YTHDC2: variants seen among roughly 807,000 people sequenced by gnomAD.
YTHDC2 encodes 3'-5' RNA helicase YTHDC2.
YTHDC2 carries 45 observed loss-of-function variants against 174.9 expected under a neutral mutation model. That is an observed-to-expected ratio of 0.26 (90% CI 0.20 to 0.33). The LOEUF (loss-of-function observed/expected upper bound fraction) is 0.33. YTHDC2 is among the 10% of genes least tolerant of loss of function. The pLI is 1.00. For missense variants in YTHDC2, 1,650 were observed against 1,723.7 expected (o/e 0.96, Z 0.76); for synonymous variants, 657 against 574.5 (o/e 1.14, Z -2.05).
intron 10 of YTHDC2, among the ~76,000 whole-genome samples, chr5:113,548,164 A>G (rs573959152): frequency 3.3e-5 from 5 of 152,334 alleles, no homozygotes; most frequent in African/African-American, 1.2e-4. Flanking sequence ...TAACTTTTAA[A>G]TTATTTAATT....
intron 12 of YTHDC2, among the ~76,000 whole-genome samples, chr5:113,552,075 A>G (rs1041968224): frequency 6.6e-5 from 10 of 152,154 alleles, no homozygotes; most frequent in Admixed American, 6.6e-4. Flanking sequence ...AAAAATGTGA[A>G]CTATACATCA....
intron 27 of YTHDC2, 144 bp downstream of exon 27, chr5:113,591,388 T>C (rs569383459): frequency 1.9e-5 from 15 of 789,500 alleles, no homozygotes; most frequent in Non-Finnish European, 3.0e-5. Flanking sequence ...ATATTGCATC[T>C]CTTTAGAGGA....
At chr5:113,574,906 A>G (rs1312013364) in intron 23 of YTHDC2, among the ~76,000 whole-genome samples, 1 of 152,204 alleles carries the variant, frequency 6.6e-6, no homozygotes, top group Non-Finnish European at 1.5e-5. Flanking sequence ...ACAGGTTGCA[A>G]AGATCCATGG....
intron 9 of YTHDC2, among the ~76,000 whole-genome samples, chr5:113,541,461 G>A (rs1013969026): frequency 1.3e-5 from 2 of 152,042 alleles, no homozygotes; most frequent in African/African-American, 4.8e-5. Flanking sequence ...AAAGTGCTGG[G>A]ATTACAGGAG....
intron 6 of YTHDC2, 63 bp downstream of exon 6, chr5:113,534,470 C>G (rs140168388): frequency 7.0e-7 from 1 of 1,429,216 alleles, no homozygotes. Context: ...ATACATATGC[C>G]GTTTCAGGAT....
intron 23 of YTHDC2, among the ~76,000 whole-genome samples, chr5:113,575,431 G>A (rs915032396): frequency 2.0e-5 from 3 of 152,152 alleles, no homozygotes; most frequent in Admixed American, 2.0e-4. Context: ...AAAGAGGATC[G>A]CCTTAGGGGT....
intron 18 of YTHDC2, among the ~76,000 whole-genome samples, chr5:113,562,936 A>G (rs1378444232): frequency 6.6e-6 from 1 of 152,198 alleles, no homozygotes; most frequent in Non-Finnish European, 1.5e-5. Flanking sequence ...TGTAAACTCA[A>G]TGAGAATGGA....
chr5:113,558,722 G>T lies in YTHDC2; in HGVS notation c.2217-2358G>T, dbSNP rs186931224. On this transcript the variant is annotated intron_variant, in intron 17 of 29. Transcript: ENST00000161863. ...GCAGATCACAAGGTTAGGAGTTCAAGACCAGCCTGGCCAACATGGTGAAAC... is the reference window on the plus strand; with the variant it reads ...GCAGATCACAAGGTTAGGAGTTCAATACCAGCCTGGCCAACATGGTGAAAC... Among the ~76,000 whole-genome samples the T allele has an allele frequency of 2.6e-5, 4 of 152,170 alleles. 1 individual carries two copies. Among genetic ancestry groups the T allele is most frequent in the Admixed American group, 2.6e-4 (4 of 15,290 alleles).
intron 4 of YTHDC2, among the ~76,000 whole-genome samples, chr5:113,531,781 A>G (rs959046815): frequency 6.6e-6 from 1 of 152,104 alleles, no homozygotes; most frequent in African/African-American, 2.4e-5. Context: ...AAATAAAAAC[A>G]GTTATATTTT....
intron 1 of YTHDC2, 31 bp downstream of exon 1, chr5:113,514,113 G>C: frequency 6.3e-7 from 1 of 1,598,950 alleles, no homozygotes; most frequent in East Asian, 2.3e-5. Context: ...CATGCTGGCA[G>C]TCAGGATACC....
chr5:113,544,696 GT>G (rs112659406), intron 10 of YTHDC2, among the ~76,000 whole-genome samples: 44,838 of 146,956 alleles, frequency 0.31, 8,242 homozygotes, highest in African/African-American at 0.51. Context: ...TAAATTTTTT[GT>G]TTTTTTTTTG....
chr5:113,567,952 T>G (rs1437973679), intron 23 of YTHDC2, 103 bp downstream of exon 23: 2 of 910,128 alleles, frequency 2.2e-6, no homozygotes, highest in African/African-American at 3.5e-5. Context: ...TATAAAGATT[T>G]ATATAGTAGC....
At chr5:113,589,854 A>C (rs753676825) in intron 26 of YTHDC2, among the ~76,000 whole-genome samples, 15 of 152,206 alleles carry the variant, frequency 9.9e-5, no homozygotes, top group Non-Finnish European at 1.8e-4. Flanking sequence ...TCCTAATTAC[A>C]TCAACTCTGT....
chr5:113,539,804 GA>G (rs1388038217), intron 8 of YTHDC2, among the ~76,000 whole-genome samples: 1 of 151,668 alleles, frequency 6.6e-6, no homozygotes, highest in East Asian at 1.9e-4. Context: ...TTTTCCCCTT[GA>G]AAAATGTAAT....
intron 10 of YTHDC2, among the ~76,000 whole-genome samples, chr5:113,548,230 G>A (rs932107174): frequency 6.6e-6 from 1 of 152,116 alleles, no homozygotes; most frequent in Non-Finnish European, 1.5e-5. Flanking sequence ...ATTATTTAAG[G>A]TTATGCAAGT....
intron 4 of YTHDC2, among the ~76,000 whole-genome samples, chr5:113,527,484 G>C (rs1774346887): frequency 6.6e-6 from 1 of 152,108 alleles, no homozygotes; most frequent in Admixed American, 6.6e-5. Flanking sequence ...GCTTTTAATA[G>C]AGGTTCAGAT....
chr5:113,553,379 A>G lies in YTHDC2; in HGVS notation c.1867+20A>G. On this transcript the variant is annotated intron_variant, in intron 13 of 29. Coordinates refer to ENST00000161863, the MANE Select transcript of YTHDC2 (RefSeq NM_022828.5). ...ATGCTGGTAAATACGTGTTGTCTAA[A>G]AGAACTGGAGCAAAATATATACTTT... 1.3e-6 allele frequency: 2 copies of G among 1,578,376 alleles called. No individual in the cohort carries two copies. The highest frequency in any genetic ancestry group is 8.6e-7 in the Non-Finnish European group (1 of 1,168,258).
At chr5:113,515,223 G>C (rs1346305163) in intron 1 of YTHDC2, 49 bp from the exon 2 acceptor site, 2 of 1,440,596 alleles carry the variant, frequency 1.4e-6, no homozygotes, top group Non-Finnish European at 1.9e-6. Flanking sequence ...TTACTTGAGA[G>C]AAAATTGCCT....
chr5:113,569,975 C>G (rs1163272684), intron 23 of YTHDC2, among the ~76,000 whole-genome samples: 4 of 152,098 alleles, frequency 2.6e-5, no homozygotes, highest in Admixed American at 1.3e-4. Context: ...GAGCATGGAA[C>G]GTTTTTCCAT....
Sources: allele counts gnomAD v4.1 joint callset (sites outside exome capture counted in the v4.1 genomes callset), GRCh38; gene constraint gnomAD v4.1.1; transcripts MANE v1.5; gene names NCBI Gene and HGNC (gene_info 2026-07-23, HGNC 2026-07-21).